The following ZBTB16 variants were observed in gnomAD, a reference collection of about 807,000 sequenced individuals.
ZBTB16 encodes zinc finger and BTB domain containing 16.
A neutral mutation model predicts 56.8 loss-of-function variants in ZBTB16; 8 were observed. That is an observed-to-expected ratio of 0.14 (90% CI 0.08 to 0.25). The LOEUF is 0.25. ZBTB16 is among the 10% of genes least tolerant of loss of function. ZBTB16 has a pLI of 1.00. For synonymous variants in ZBTB16, 363 were observed against 368.5 expected, an observed-to-expected ratio of 0.98 and a Z score of 0.17; for missense variants, 625 against 903.0, an observed-to-expected ratio of 0.69 and a Z score of 3.95.
intron 5 of ZBTB16, among the ~76,000 whole-genome samples, chr11:114,245,466 C>T (rs1175934662): frequency 6.6e-6 from 1 of 152,208 alleles, no homozygotes; most frequent in Admixed American, 6.5e-5. Context: ...CAGACCCCAG[C>T]ATCCGCTCCC....
intron 2 of ZBTB16, among the ~76,000 whole-genome samples, chr11:114,152,846 G>A (rs79779232): frequency 0.032 from 4,891 of 152,250 alleles, 285 homozygotes; most frequent in African/African-American, 0.11. Context: ...ATCTCAGATG[G>A]CCACGTGCAA....
chr11:114,122,772 T>G (rs1442273763), intron 2 of ZBTB16, among the ~76,000 whole-genome samples: 2 of 152,182 alleles, frequency 1.3e-5, no homozygotes, highest in Non-Finnish European at 2.9e-5. Flanking sequence ...TTTCCCTGTG[T>G]GTATCCCAAA....
chr11:114,073,499 G>A (rs1035826172), intron 2 of ZBTB16, among the ~76,000 whole-genome samples: 3 of 152,208 alleles, frequency 2.0e-5, no homozygotes, highest in East Asian at 3.9e-4. Flanking sequence ...TTTTGCCTAC[G>A]TGAGGCTTAT....
Position 114,255,429 on chromosome 11 carries a change from C to G in ZBTB16, c.*4874C>G, listed in dbSNP as rs1055859872. ...AATCAATCTCTTTCTCTCTTTCTCT[C>G]CTCCCCACCTCTCACCCTTGCCCTC... is the stretch of plus-strand genomic sequence containing the variant. On this transcript the variant is annotated 3_prime_UTR_variant, in exon 7 of 7. Transcript: ENST00000335953. Among the ~76,000 whole-genome samples the G allele has an allele frequency of 6.6e-6, 1 of 151,736 alleles. No homozygotes were observed. The highest frequency in any genetic ancestry group is 1.5e-5 in the Non-Finnish European group (1 of 67,964).
At chr11:114,169,231 A>C (rs1942885184) in intron 3 of ZBTB16, among the ~76,000 whole-genome samples, 4 of 152,044 alleles carry the variant, frequency 2.6e-5, no homozygotes. Context: ...GAAATGTGAG[A>C]GCTGTGACCA....
rs559667663 is a variant in ZBTB16 at position 114,113,692 on chromosome 11, C to G, written c.1269-42645C>G. Reference sequence around the variant, plus strand: ...AGAGGGCTTAAAAAATAGAGACATTCTGTAAATGACCTTTCTTTGAAATCC... The same window carrying G: ...AGAGGGCTTAAAAAATAGAGACATTGTGTAAATGACCTTTCTTTGAAATCC... On this transcript the variant is annotated intron_variant, in intron 2 of 6. Transcript: ENST00000335953. Among the ~76,000 whole-genome samples the G allele has an allele frequency of 1.6e-3, 238 of 152,320 alleles. 1 individual carries two copies. The highest frequency in any genetic ancestry group is 5.3e-3 in the African/African-American group (219 of 41,556).
intron 2 of ZBTB16, among the ~76,000 whole-genome samples, chr11:114,085,285 G>A (rs1052083746): frequency 6.6e-5 from 10 of 152,126 alleles, no homozygotes; most frequent in Non-Finnish European, 1.0e-4. Context: ...ATTTAAGAAC[G>A]TTAATGAAGA....
intron 4 of ZBTB16, among the ~76,000 whole-genome samples, chr11:114,214,418 T>A (rs947147254): frequency 6.6e-6 from 1 of 152,240 alleles, no homozygotes; most frequent in African/African-American, 2.4e-5. Flanking sequence ...TTAATGGCAT[T>A]ACCTTTTATG....
intron 4 of ZBTB16, among the ~76,000 whole-genome samples, chr11:114,204,783 A>G (rs142119252): frequency 6.6e-6 from 1 of 152,120 alleles, no homozygotes; most frequent in African/African-American, 2.4e-5. Flanking sequence ...CGACCATCCC[A>G]GGCAAGCTTG....
intron 2 of ZBTB16, among the ~76,000 whole-genome samples, chr11:114,133,976 AC>A (rs1408083484): frequency 5.9e-5 from 9 of 152,150 alleles, no homozygotes; most frequent in Non-Finnish European, 8.8e-5. Context: ...TCGTCTTTTT[AC>A]CAGTACCCAA....
chr11:114,131,967 T>A (rs568392196), intron 2 of ZBTB16, among the ~76,000 whole-genome samples: 1 of 152,056 alleles, frequency 6.6e-6, no homozygotes. Context: ...TGAGTTCACA[T>A]ACCAAAAAAG....
intron 2 of ZBTB16, among the ~76,000 whole-genome samples, chr11:114,133,795 A>G (rs1301516896): frequency 1.3e-5 from 2 of 152,212 alleles, no homozygotes; most frequent in East Asian, 1.9e-4. Flanking sequence ...GGTTGGCCCC[A>G]TGGTCCTCAG....
intron 4 of ZBTB16, chr11:114,210,744 G>A (rs764543361): frequency 6.0e-5 from 13 of 218,408 alleles, no homozygotes; most frequent in Non-Finnish European, 9.2e-5. Flanking sequence ...CCCAGGCCTG[G>A]TGTTCACTGC....
At chr11:114,154,042 C>A (rs1386494827) in intron 2 of ZBTB16, among the ~76,000 whole-genome samples, 2 of 152,156 alleles carry the variant, frequency 1.3e-5, no homozygotes, top group Non-Finnish European at 2.9e-5. Context: ...GCCACTTCCA[C>A]CAACTGCCAA....
intron 2 of ZBTB16, among the ~76,000 whole-genome samples, chr11:114,153,245 C>T (rs1219274232): frequency 2.0e-5 from 3 of 152,188 alleles, no homozygotes; most frequent in Admixed American, 2.0e-4. Flanking sequence ...CAGTGCTGGG[C>T]TCTGTTGAAC....
chr11:114,210,193 G>GTA, intron 4 of ZBTB16, among the ~76,000 whole-genome samples: 1 of 63,554 alleles, frequency 1.6e-5, no homozygotes, highest in South Asian at 4.0e-4. Flanking sequence ...GTGTGTGTGT[G>GTA]CGTGCGCGCG....
chr11:114,105,609 T>C (rs980962754), intron 2 of ZBTB16, among the ~76,000 whole-genome samples: 1 of 152,144 alleles, frequency 6.6e-6, no homozygotes, highest in Non-Finnish European at 1.5e-5. Context: ...AGTTGAGGTA[T>C]TGATTTTAGT....
chr11:114,169,833 T>G (rs961501908), intron 3 of ZBTB16, among the ~76,000 whole-genome samples: 1 of 152,050 alleles, frequency 6.6e-6, no homozygotes, highest in Non-Finnish European at 1.5e-5. Context: ...TTTGATGAGG[T>G]CTTTGCTGCT....
rs1301425618 is a variant in ZBTB16, at chr11:114,063,748, G to A, written c.448G>A (p.Ala150Thr). The A allele has an allele frequency of 1.4e-5, 22 of 1,613,866 alleles. No homozygotes were observed. Among genetic ancestry groups the A allele is most frequent in the Non-Finnish European group, 1.8e-5 (21 of 1,180,046 alleles). Residue 150 changes from alanine to threonine, a missense_variant, in exon 2 of 7, where the codon GCT becomes ACT. Physicochemically the swap from Ala to Thr is moderately conservative, Grantham distance 58. Coordinates refer to ENST00000335953, the MANE Select transcript of ZBTB16 (RefSeq NM_006006.6). This position sits in a 1 kb window ranked among gnomAD's most constrained non-coding sequence, Gnocchi z 6.5. ...GGCCGAGGAAGAAGAGGACCGCAAG[G>A]CTCGGTACCTCAAGAACATCTTCAT... is the stretch of plus-strand genomic sequence containing the variant. ...GGAEEEEDRK[A>T]RYLKNIFISK...
Sources: allele counts gnomAD v4.1 joint callset (sites outside exome capture counted in the v4.1 genomes callset), GRCh38; gene constraint gnomAD v4.1.1; non-coding constraint Gnocchi (gnomAD v3.1); transcripts MANE v1.5; gene names NCBI Gene and HGNC (gene_info 2026-07-23, HGNC 2026-07-21).